Variants in GRIN3A observed in about 807,000 individuals in gnomAD.
The protein encoded by GRIN3A is glutamate receptor ionotropic, NMDA 3A.
GRIN3A carries 47 observed loss-of-function variants against 92.4 expected under a neutral mutation model. That is an observed-to-expected ratio of 0.51 (90% CI 0.40 to 0.65). The LOEUF (loss-of-function observed/expected upper bound fraction) is 0.65. Ranked by LOEUF, GRIN3A falls within the 30% of genes least tolerant of loss-of-function variation. The probability of loss-of-function intolerance (pLI) is 0.00; values close to 1 mark genes in which losing one functional copy is unlikely to be tolerated. For synonymous variants in GRIN3A, 527 were observed against 540.6 expected, an observed-to-expected ratio of 0.97 and a Z score of 0.35; for missense variants, 1,324 against 1,393.1, an observed-to-expected ratio of 0.95 and a Z score of 0.79.
intron 4 of GRIN3A, among the ~76,000 whole-genome samples, chr9:101,626,373 G>C (rs1588255409): frequency 6.6e-6 from 1 of 152,198 alleles, no homozygotes; most frequent in Admixed American, 6.5e-5. Context: ...GGAAAGGACA[G>C]GTTCAATATG....
At chr9:101,702,515 C>T (rs977592236) in intron 1 of GRIN3A, among the ~76,000 whole-genome samples, 4 of 152,126 alleles carry the variant, frequency 2.6e-5, no homozygotes, top group African/African-American at 9.7e-5. Flanking sequence ...TTCTCAGTCT[C>T]ATAGGCCTTG....
chr9:101,655,244 G>A (rs957130246), intron 3 of GRIN3A, among the ~76,000 whole-genome samples: 3 of 151,844 alleles, frequency 2.0e-5, no homozygotes, highest in South Asian at 2.1e-4. Context: ...GAAAACCTTC[G>A]CTGCCTATTA....
intron 2 of GRIN3A, among the ~76,000 whole-genome samples, chr9:101,681,667 C>G (rs1326152530): frequency 1.3e-5 from 2 of 151,612 alleles, no homozygotes; most frequent in African/African-American, 4.9e-5. Flanking sequence ...TCATTATTTC[C>G]CTCTGTATAT....
intron 3 of GRIN3A, among the ~76,000 whole-genome samples, chr9:101,659,748 C>G (rs1327263492): frequency 6.6e-6 from 1 of 151,802 alleles, no homozygotes; most frequent in Non-Finnish European, 1.5e-5. Context: ...TGATCTTAGA[C>G]TTTCATTAAG....
chr9:101,660,179 C>T (rs1428774647), intron 3 of GRIN3A, among the ~76,000 whole-genome samples: 1 of 151,864 alleles, frequency 6.6e-6, no homozygotes, highest in Non-Finnish European at 1.5e-5. Context: ...GTCTCGTATT[C>T]CCTCACAGTG....
chr9:101,616,659 G>C (rs929578715), intron 5 of GRIN3A, among the ~76,000 whole-genome samples: 2 of 146,900 alleles, frequency 1.4e-5, no homozygotes, highest in African/African-American at 5.0e-5. Context: ...CATTAAAAAA[G>C]GTATTCTCAC....
At chr9:101,574,693 C>G in intron 8 of GRIN3A, among the ~76,000 whole-genome samples, 1 of 152,184 alleles carries the variant, frequency 6.6e-6, no homozygotes, top group Non-Finnish European at 1.5e-5. Flanking sequence ...CTGCTTTCCT[C>G]CCCGCTTCAG....
At chr9:101,680,326 T>C (rs928795494) in intron 2 of GRIN3A, among the ~76,000 whole-genome samples, 53 of 152,218 alleles carry the variant, frequency 3.5e-4, no homozygotes, top group African/African-American at 1.2e-3. Flanking sequence ...GAATGGACAT[T>C]TGTTTGATTC....
intron 1 of GRIN3A, among the ~76,000 whole-genome samples, chr9:101,688,940 C>A (rs1281120410): frequency 6.6e-6 from 1 of 152,106 alleles, no homozygotes; most frequent in Non-Finnish European, 1.5e-5. Context: ...AGAGAAAGGT[C>A]TCAAAAACCA....
At chr9:101,577,889 A>G (rs41306471) in intron 7 of GRIN3A, 45 bp from the exon 8 acceptor site, 100,502 of 1,400,246 alleles carry the variant, frequency 0.072, 3,999 homozygotes, top group Admixed American at 0.12. Flanking sequence ...TGAGAAACAC[A>G]TAGGTCAGGG....
At chr9:101,594,812 GA>G in intron 6 of GRIN3A, 1 of 1,612,286 alleles carries the variant, frequency 6.2e-7, no homozygotes, top group Non-Finnish European at 8.5e-7. Flanking sequence ...CACGCTCAGA[GA>G]CCCTGATTTG....
chr9:101,588,388 T>A (rs1227246775), intron 6 of GRIN3A, among the ~76,000 whole-genome samples: 1 of 152,146 alleles, frequency 6.6e-6, no homozygotes, highest in Non-Finnish European at 1.5e-5. Context: ...TGCATTCCTC[T>A]AACCTGGAAA....
At chr9:101,617,391 A>G (rs1485372665) in intron 5 of GRIN3A, among the ~76,000 whole-genome samples, 1 of 151,992 alleles carries the variant, frequency 6.6e-6, no homozygotes, top group East Asian at 1.9e-4. Flanking sequence ...TATTCTAAGA[A>G]TAGAATTTTG....
At chr9:101,652,373 T>C (rs2118918569) in intron 3 of GRIN3A, among the ~76,000 whole-genome samples, 1 of 152,068 alleles carries the variant, frequency 6.6e-6, no homozygotes, top group East Asian at 1.9e-4. Context: ...GCAGTTCTCA[T>C]GTGGTGGTTT....
intron 3 of GRIN3A, among the ~76,000 whole-genome samples, chr9:101,667,251 C>T (rs1374103099): frequency 6.6e-6 from 1 of 151,738 alleles, no homozygotes; most frequent in African/African-American, 2.4e-5. Flanking sequence ...CATTATATTA[C>T]AAAATAGGTA....
At chr9:101,675,218 G>A (rs938788707) in intron 2 of GRIN3A, among the ~76,000 whole-genome samples, 2 of 151,890 alleles carry the variant, frequency 1.3e-5, no homozygotes, top group Non-Finnish European at 2.9e-5. Flanking sequence ...TTAAAAGAAT[G>A]AGGCTTACTA....
chr9:101,675,987 G>A (rs562545896), intron 2 of GRIN3A, among the ~76,000 whole-genome samples: 3 of 151,712 alleles, frequency 2.0e-5, no homozygotes, highest in Non-Finnish European at 4.4e-5. Context: ...TTTAAGAATT[G>A]TTGCCCCCCT....
intron 5 of GRIN3A, among the ~76,000 whole-genome samples, chr9:101,618,835 T>C (rs1174912669): frequency 6.6e-6 from 1 of 152,244 alleles, no homozygotes; most frequent in East Asian, 1.9e-4. Flanking sequence ...ATTCTCATTT[T>C]TAAATTGCTG....
At chr9:101,667,486 C>T (rs758721431) in intron 3 of GRIN3A, among the ~76,000 whole-genome samples, 6 of 151,958 alleles carry the variant, frequency 3.9e-5, no homozygotes, top group South Asian at 2.1e-4. Context: ...TAAACTTTGG[C>T]GTATTTGTAA....
Sources: gnomAD v4.1 joint callset for allele counts (sites outside exome capture counted in the v4.1 genomes callset) on GRCh38, gnomAD v4.1.1 for gene constraint, MANE v1.5 for transcripts, NCBI Gene and HGNC (gene_info 2026-07-23, HGNC 2026-07-21) for gene names.